PRKCH: variants seen among roughly 807,000 people sequenced by gnomAD.
PRKCH encodes the protein protein kinase C eta type.
In PRKCH, 28 loss-of-function variants were observed where a neutral mutation model predicts 82.5. That is an observed-to-expected ratio of 0.34 (90% CI 0.25 to 0.47). PRKCH has a LOEUF of 0.47. Among genes scored for constraint, PRKCH ranks in the 20% least tolerant of loss-of-function variants. The pLI is 1.00. For synonymous variants in PRKCH, 322 were observed against 327.4 expected, an observed-to-expected ratio of 0.98 and a Z score of 0.18; for missense variants, 705 against 881.8, an observed-to-expected ratio of 0.80 and a Z score of 2.54.
At chr14:61,444,238 C>T (rs1291809292) in intron 3 of PRKCH, among the ~76,000 whole-genome samples, 1 of 152,108 alleles carries the variant, frequency 6.6e-6, no homozygotes, top group African/African-American at 2.4e-5. Flanking sequence ...TGTGTCATAA[C>T]ATTTATTGTA....
At chr14:61,187,790 T>G (rs1187483232) in intron 1 of PRKCH, 1 of 152,242 alleles carries the variant, frequency 6.6e-6, no homozygotes, top group African/African-American at 2.4e-5. Flanking sequence ...TTAGCAGACA[T>G]AAATATTGTA....
intron 1 of PRKCH, among the ~76,000 whole-genome samples, chr14:61,292,761 A>C (rs1386990698): frequency 2.7e-5 from 3 of 112,210 alleles, no homozygotes; most frequent in South Asian, 3.3e-4. Flanking sequence ...ACAGAGTGAG[A>C]CTCCATCTCC....
At chr14:61,226,344 C>A (rs6573375) in intron 1 of PRKCH, among the ~76,000 whole-genome samples, 1 of 152,100 alleles carries the variant, frequency 6.6e-6, no homozygotes, top group East Asian at 1.9e-4. Flanking sequence ...TTCAAGCCAA[C>A]GATTATATTA....
Position 61,321,818 on chromosome 14 carries a change from C to A in PRKCH, c.-284C>A, listed in dbSNP as rs984821477. ...GAGAAGGGGCGAGTCCTGCGCGAGT[C>A]CCCGGGAGGCGCCGCGCGCTTGGAA... On this transcript the variant is annotated 5_prime_UTR_variant, in exon 1 of 14. Coordinates refer to ENST00000332981, the MANE Select transcript of PRKCH (RefSeq NM_006255.5). This position sits in a 1 kb window ranked among gnomAD's most constrained non-coding sequence, Gnocchi z 4.1. The A allele has an allele frequency of 2.7e-5, 9 of 332,518 alleles. No homozygotes were observed. The highest frequency in any genetic ancestry group is 9.0e-4 in the Middle Eastern group (1 of 1,108). The allele number at this position is 332,518 out of a possible 1,614,324, so 20.6% of individuals were successfully genotyped here.
chr14:61,352,937 C>T (rs569256419), intron 1 of PRKCH, among the ~76,000 whole-genome samples: 1 of 152,218 alleles, frequency 6.6e-6, no homozygotes, highest in South Asian at 2.1e-4. Context: ...AATACATTTA[C>T]TATTAAATAA....
At chr14:61,225,281 G>A (rs1047378873) in intron 1 of PRKCH, among the ~76,000 whole-genome samples, 6 of 152,212 alleles carry the variant, frequency 3.9e-5, no homozygotes, top group African/African-American at 1.4e-4. Flanking sequence ...TGGGGAAATA[G>A]AAATCTTTTA....
intron 1 of PRKCH, among the ~76,000 whole-genome samples, chr14:61,342,051 T>G (rs1385767375): frequency 1.3e-5 from 2 of 151,956 alleles, no homozygotes; most frequent in Non-Finnish European, 2.9e-5. Context: ...AGTTGAGACT[T>G]GCATGGGGCT....
chr14:61,490,253 C>T (rs1489231820), intron 10 of PRKCH, among the ~76,000 whole-genome samples: 1 of 152,178 alleles, frequency 6.6e-6, no homozygotes, highest in African/African-American at 2.4e-5. Context: ...TGACATGCCG[C>T]CTTTTACTCC....
chr14:61,378,573 T>C (rs183209465), intron 1 of PRKCH, among the ~76,000 whole-genome samples: 575 of 152,312 alleles, frequency 3.8e-3, no homozygotes, highest in African/African-American at 0.013. Context: ...TAATTTGTGG[T>C]GTTCCTCCCT....
intron 1 of PRKCH, chr14:61,278,046 C>T (rs1314262370): frequency 6.6e-6 from 1 of 152,132 alleles, no homozygotes; most frequent in Non-Finnish European, 1.5e-5. Context: ...GAACCATATT[C>T]GTTAATTTAA....
chr14:61,216,561 A>T (rs1418216939), intron 1 of PRKCH, among the ~76,000 whole-genome samples: 2 of 152,204 alleles, frequency 1.3e-5, no homozygotes, highest in African/African-American at 4.8e-5. Context: ...AAGGACAGAG[A>T]TGTTTGCAGA....
At chr14:61,208,823 T>G (rs996408371) in intron 1 of PRKCH, among the ~76,000 whole-genome samples, 2 of 152,202 alleles carry the variant, frequency 1.3e-5, no homozygotes, top group African/African-American at 4.8e-5. Flanking sequence ...ATTGTGTCCC[T>G]ACAAAATTCA....
rs776552059 is a variant in PRKCH, at chr14:61,549,714, C to A, written c.1935C>A (p.Asp645Glu). The A allele has an allele frequency of 6.2e-7, 1 of 1,613,228 alleles. No homozygotes were observed. Among genetic ancestry groups the A allele is most frequent in the Non-Finnish European group, 8.5e-7 (1 of 1,179,948 alleles). Reference protein sequence around the residue: ...IKSREDVSNFDPDFIKEEPVL... With the variant: ...IKSREDVSNFEPDFIKEEPVL... ...CCCGAGAAGATGTCAGTAATTTTGA[C>A]CCTGACTTCATAAAGGAAGAGCCAG... The change falls in exon 14 of 14, where the codon GAC (aspartate) becomes GAA (glutamate). Residue 645 changes from aspartate to glutamate, a missense_variant. This residue lies in a region of PRKCH where 91 missense variants were observed against 81.2 expected (regional missense o/e 1.12). Transcript: ENST00000332981.
At chr14:61,405,919 C>G (rs1169725449) in intron 2 of PRKCH, among the ~76,000 whole-genome samples, 1 of 146,058 alleles carries the variant, frequency 6.8e-6, no homozygotes, top group African/African-American at 2.7e-5. Context: ...TGGGATTTAC[C>G]AAGTACTGAG....
intron 1 of PRKCH, among the ~76,000 whole-genome samples, chr14:61,266,201 T>C (rs952578492): frequency 2.6e-5 from 4 of 152,156 alleles, no homozygotes; most frequent in Admixed American, 2.6e-4. Context: ...GTGGATCACT[T>C]GAGGTCAGGG....
At chr14:61,220,135 C>A (rs2044644326) in intron 1 of PRKCH, among the ~76,000 whole-genome samples, 1 of 152,118 alleles carries the variant, frequency 6.6e-6, no homozygotes, top group Non-Finnish European at 1.5e-5. Flanking sequence ...TGCTTTCTCC[C>A]AAACCAAATC....
At chr14:61,300,787 T>C (rs746702298) in intron 1 of PRKCH, among the ~76,000 whole-genome samples, 6 of 152,190 alleles carry the variant, frequency 3.9e-5, no homozygotes, top group Non-Finnish European at 8.8e-5. Context: ...AGGAAAAGGC[T>C]ACCTGGGGGC....
chr14:61,372,768 C>G (rs1374392737), intron 1 of PRKCH, among the ~76,000 whole-genome samples: 1 of 152,002 alleles, frequency 6.6e-6, no homozygotes, highest in Non-Finnish European at 1.5e-5. Flanking sequence ...TATTCCACCC[C>G]AGGATCTCTT....
chr14:61,264,578 ACT>A (rs1344505575), intron 1 of PRKCH, among the ~76,000 whole-genome samples: 1 of 152,140 alleles, frequency 6.6e-6, no homozygotes, highest in African/African-American at 2.4e-5. Flanking sequence ...TCCTAATTCA[ACT>A]CTCTCTAAAT....
Sources: gnomAD v4.1 joint callset for allele counts (sites outside exome capture counted in the v4.1 genomes callset) on GRCh38, gnomAD v4.1.1 for gene constraint, gnomAD v4.1.1 regional missense constraint, Gnocchi (gnomAD v3.1) non-coding constraint, MANE v1.5 for transcripts, NCBI Gene and HGNC (gene_info 2026-07-23, HGNC 2026-07-21) for gene names.